Variants in SGCZ observed in about 807,000 individuals in gnomAD.
SGCZ encodes zeta-sarcoglycan.
A neutral mutation model predicts 41.3 loss-of-function variants in SGCZ; 40 were observed. That is an observed-to-expected ratio of 0.97 (90% CI 0.75 to 1.26). The LOEUF is 1.26. Among genes scored for constraint, SGCZ ranks in the 50% most tolerant of loss-of-function variants. The probability of loss-of-function intolerance (pLI) is 0.00; values close to 1 mark genes in which losing one functional copy is unlikely to be tolerated. For synonymous variants in SGCZ, 206 were observed against 137.5 expected (o/e 1.50, Z -3.49); for missense variants, 552 against 369.8 (o/e 1.49, Z -4.04).
chr8:15,138,801 C>T (rs1159565496), intron 1 of SGCZ, among the ~76,000 whole-genome samples: 1 of 152,028 alleles, frequency 6.6e-6, no homozygotes, highest in East Asian at 1.9e-4. Context: ...GTAATATAGA[C>T]AGCTAAGATA....
chr8:14,714,191 A>G (rs1585203159), intron 1 of SGCZ, among the ~76,000 whole-genome samples: 1 of 151,756 alleles, frequency 6.6e-6, no homozygotes, highest in African/African-American at 2.4e-5. Flanking sequence ...CTGGTTTCGA[A>G]CTCCTGACCT....
intron 1 of SGCZ, among the ~76,000 whole-genome samples, chr8:14,909,121 T>G (rs2130773667): frequency 6.6e-6 from 1 of 152,304 alleles, no homozygotes; most frequent in East Asian, 1.9e-4. Context: ...TTTACACTAT[T>G]AATCCATTCA....
At chr8:14,977,943 T>G (rs994157837) in intron 1 of SGCZ, among the ~76,000 whole-genome samples, 16 of 151,984 alleles carry the variant, frequency 1.1e-4, no homozygotes, top group African/African-American at 3.6e-4. Context: ...CTAAATATTG[T>G]TTATTTTTTT....
intron 1 of SGCZ, among the ~76,000 whole-genome samples, chr8:14,583,674 A>C (rs1804968430): frequency 2.0e-5 from 3 of 152,130 alleles, no homozygotes; most frequent in Admixed American, 2.0e-4. Context: ...TCTTGAATCC[A>C]CTCTTAAAAA....
Position 14,118,942 on chromosome 8 carries a change from C to T in SGCZ, c.548-10707G>A, listed in dbSNP as rs146127764. On this transcript the variant is annotated intron_variant, in intron 5 of 7. Coordinates refer to ENST00000382080, the MANE Select transcript of SGCZ (RefSeq NM_139167.4). ...CTACATATCTGTTTTGGCACCAGTA[C>T]CATGCTGTTTTGATTACTGTAGCCT... Among the ~76,000 whole-genome samples, 626 of 152,232 alleles carry T rather than the reference C, an allele frequency of 4.1e-3. 3 individuals are homozygous for T. Among genetic ancestry groups the T allele is most frequent in the African/African-American group, 0.014 (590 of 41,536 alleles).
At chr8:14,624,090 C>T (rs372971798) in intron 1 of SGCZ, among the ~76,000 whole-genome samples, 3 of 152,136 alleles carry the variant, frequency 2.0e-5, no homozygotes, top group African/African-American at 4.8e-5. Flanking sequence ...TACTATGTGC[C>T]GCAATACTAT....
intron 1 of SGCZ, among the ~76,000 whole-genome samples, chr8:14,645,869 T>C (rs1253712686): frequency 2.0e-5 from 3 of 151,848 alleles, no homozygotes; most frequent in Non-Finnish European, 4.4e-5. Flanking sequence ...TTTTACTCAA[T>C]TAAACTAAAT....
intron 5 of SGCZ, among the ~76,000 whole-genome samples, chr8:14,118,877 T>C (rs998115094): frequency 2.6e-5 from 4 of 152,192 alleles, no homozygotes; most frequent in Non-Finnish European, 5.9e-5. Context: ...GTTGTGGATG[T>C]GTGGTGTTAT....
chr8:14,980,206 T>A (rs936458823), intron 1 of SGCZ, among the ~76,000 whole-genome samples: 3 of 152,068 alleles, frequency 2.0e-5, no homozygotes, highest in Admixed American at 6.6e-5. Context: ...TAAAATGAAA[T>A]GTTTTGGCCT....
chr8:14,746,609 G>A (rs943696661), intron 1 of SGCZ, among the ~76,000 whole-genome samples: 1 of 152,056 alleles, frequency 6.6e-6, no homozygotes, highest in Admixed American at 6.5e-5. Context: ...CTAGCACAAA[G>A]GACAGATATT....
intron 1 of SGCZ, among the ~76,000 whole-genome samples, chr8:14,719,004 TC>T (rs1371676285): frequency 6.3e-5 from 4 of 63,544 alleles, no homozygotes; most frequent in Admixed American, 2.5e-4. Flanking sequence ...CCCTCCCCCC[TC>T]CCCCCACCCC....
At chr8:14,651,408 G>T (rs111296138) in intron 1 of SGCZ, among the ~76,000 whole-genome samples, 40 of 152,040 alleles carry the variant, frequency 2.6e-4, no homozygotes, top group African/African-American at 9.2e-4. Context: ...AAGATACAAC[G>T]GAATTTTAAA....
At chr8:14,141,719 G>A (rs1262182386) in intron 5 of SGCZ, among the ~76,000 whole-genome samples, 3 of 152,202 alleles carry the variant, frequency 2.0e-5, no homozygotes, top group African/African-American at 4.8e-5. Context: ...CTGTTGATGG[G>A]AGTGTAAACT....
At chr8:15,136,264 C>T (rs1408496524) in intron 1 of SGCZ, among the ~76,000 whole-genome samples, 1 of 152,116 alleles carries the variant, frequency 6.6e-6, no homozygotes, top group Non-Finnish European at 1.5e-5. Context: ...TTCTGTGCCT[C>T]AACTGGCCCC....
intron 1 of SGCZ, among the ~76,000 whole-genome samples, chr8:14,705,351 T>C (rs1404908815): frequency 6.6e-6 from 1 of 152,026 alleles, no homozygotes; most frequent in Non-Finnish European, 1.5e-5. Flanking sequence ...TTTGTGATTT[T>C]TTTCTGTATG....
chr8:14,918,461 C>A (rs558486156), intron 1 of SGCZ, among the ~76,000 whole-genome samples: 1 of 152,210 alleles, frequency 6.6e-6, no homozygotes, highest in African/African-American at 2.4e-5. Flanking sequence ...AAATTTTACA[C>A]AGCTGTTATA....
intron 1 of SGCZ, among the ~76,000 whole-genome samples, chr8:14,712,451 C>T (rs1809551172): frequency 6.6e-6 from 1 of 152,154 alleles, no homozygotes; most frequent in East Asian, 1.9e-4. Flanking sequence ...GAGAAATCTG[C>T]AGTATGTGAG....
chr8:14,818,446 C>T (rs989933545), intron 1 of SGCZ, among the ~76,000 whole-genome samples: 2 of 152,038 alleles, frequency 1.3e-5, no homozygotes, highest in Non-Finnish European at 2.9e-5. Context: ...CATAACAAAT[C>T]GACACCAAAG....
At chr8:14,927,111 T>A (rs1320816738) in intron 1 of SGCZ, among the ~76,000 whole-genome samples, 1 of 140,572 alleles carries the variant, frequency 7.1e-6, no homozygotes, top group East Asian at 2.1e-4. Flanking sequence ...TCTTTTTTTT[T>A]TTTTTTTTTT....
Sources: gnomAD v4.1 joint callset for allele counts (sites outside exome capture counted in the v4.1 genomes callset) on GRCh38, gnomAD v4.1.1 for gene constraint, MANE v1.5 for transcripts, NCBI Gene and HGNC (gene_info 2026-07-23, HGNC 2026-07-21) for gene names.